The following SLC25A15 variants were observed in gnomAD, a reference collection of about 807,000 sequenced individuals.
SLC25A15 encodes the protein solute carrier family 25 member 15, also known as mitochondrial ornithine transporter 1.
A neutral mutation model predicts 32.3 loss-of-function variants in SLC25A15; 24 were observed. The observed-to-expected ratio is 0.74, with a 90% confidence interval of 0.54 to 1.04. The LOEUF is 1.04. SLC25A15 is among the 50% of genes least tolerant of loss of function. The pLI, the probability that SLC25A15 is intolerant of heterozygous loss-of-function variation, is 0.00. For missense variants in SLC25A15, 317 were observed against 374.5 expected, an observed-to-expected ratio of 0.85 and a Z score of 1.27; for synonymous variants, 132 against 142.1, an observed-to-expected ratio of 0.93 and a Z score of 0.51.
chr13:40,803,986 C>A (rs886446478), intron 3 of SLC25A15, among the ~76,000 whole-genome samples: 2 of 151,960 alleles, frequency 1.3e-5, no homozygotes, highest in Admixed American at 6.6e-5. Context: ...TTTTTTGTGG[C>A]GTTTTATTTT....
At chr13:40,791,631 A>G (rs777375125) in intron 1 of SLC25A15, among the ~76,000 whole-genome samples, 13 of 152,068 alleles carry the variant, frequency 8.5e-5, no homozygotes, top group African/African-American at 1.7e-4. Context: ...TGCTGGGATT[A>G]CAGGCGTGAG....
At chr13:40,794,210 C>G (rs951670247) in intron 2 of SLC25A15, among the ~76,000 whole-genome samples, 2 of 152,086 alleles carry the variant, frequency 1.3e-5, no homozygotes, top group African/African-American at 4.8e-5. Context: ...CGTGGTGGTG[C>G]ATGCCTGTAA....
intron 3 of SLC25A15, among the ~76,000 whole-genome samples, chr13:40,802,498 A>G (rs1197306780): frequency 6.6e-6 from 1 of 152,096 alleles, no homozygotes; most frequent in Non-Finnish European, 1.5e-5. Flanking sequence ...CAGGGCCAAG[A>G]CTGGTGCCAC....
chr13:40,793,030 C>CT, intron 1 of SLC25A15, 128 bp from the exon 2 acceptor site: 1 of 642,546 alleles, frequency 1.6e-6, no homozygotes, highest in South Asian at 1.7e-5. Context: ...CCTTGAGCCC[C>CT]TTTCCTTTGG....
rs746179010 is a variant in SLC25A15, at chr13:40,807,422, G to A, written c.581G>A (p.Ser194Asn). The change falls in exon 5 of 7, where the codon AGC (serine) becomes AAC (asparagine). Residue 194 changes from serine to asparagine, a missense_variant. By Grantham distance (46) the Ser-to-Asn change is conservative. Coordinates refer to ENST00000338625, the MANE Select transcript of SLC25A15 (RefSeq NM_014252.4). ...TTCTTCTTCGGTGGCTATGAACTGA[G>A]CCGGTCCTTTTTTGCATCAGGGAGA... Reference protein sequence around the residue: ...YFFFFGGYELSRSFFASGRSK... With the variant: ...YFFFFGGYELNRSFFASGRSK... The A allele has an allele frequency of 8.1e-6, 13 of 1,614,162 alleles. No individual in the cohort carries two copies. The highest frequency in any genetic ancestry group is 5.0e-5 in the Admixed American group (3 of 60,020).
chr13:40,792,917 A>G (rs1319456956), intron 1 of SLC25A15, among the ~76,000 whole-genome samples: 2 of 152,204 alleles, frequency 1.3e-5, no homozygotes, highest in African/African-American at 4.8e-5. Context: ...TTCAGTTTTC[A>G]GAAAGGTCAG....
In SLC25A15 at chr13:40,791,019, G is replaced by A. The variant is rs181234701; in HGVS notation, c.-70+1356G>A. ...AGTGTCTGTGCCAAAAGAAATAAGC[G>A]CATTGAGGTTTATCTAGGAGGCCAC... On this transcript the variant is annotated intron_variant, in intron 1 of 6. Coordinates refer to ENST00000338625, the MANE Select transcript of SLC25A15 (RefSeq NM_014252.4). Among the ~76,000 whole-genome samples, 232 of 152,026 alleles carry A rather than the reference G, an allele frequency of 1.5e-3. 2 individuals are homozygous for A. The highest frequency in any genetic ancestry group is 9.7e-4 in the Non-Finnish European group (66 of 67,986).
In SLC25A15 at chr13:40,807,275, T is replaced by C. The variant is rs531613734; in HGVS notation, c.453-19T>C. 1.1e-5 allele frequency: 18 copies of C among 1,613,660 alleles called. No homozygotes were observed. In the East Asian group the frequency reaches 3.6e-4, roughly 32 times the overall value. On this transcript the variant is annotated intron_variant, in intron 4 of 6. Coordinates refer to ENST00000338625, the MANE Select transcript of SLC25A15 (RefSeq NM_014252.4). ...TCCCACCTGCTGTAACCGTGCTATC[T>C]CTCTGTGTCTCCTCCCAGTACAGTG...
intron 1 of SLC25A15, among the ~76,000 whole-genome samples, chr13:40,789,952 A>G (rs942036227): frequency 6.6e-6 from 1 of 152,164 alleles, no homozygotes; most frequent in Non-Finnish European, 1.5e-5. Flanking sequence ...GCTGGGCAGC[A>G]TGGAGCCGCT....
intron 2 of SLC25A15, among the ~76,000 whole-genome samples, chr13:40,795,830 T>C (rs1881652550): frequency 6.6e-6 from 1 of 152,142 alleles, no homozygotes; most frequent in Non-Finnish European, 1.5e-5. Context: ...CATTGTTGGC[T>C]CCAATGCTCG....
rs1353856214 is a variant in SLC25A15, at chr13:40,807,400, T to C, written c.559T>C (p.Phe187Leu). Reference sequence around the variant, plus strand: ...TCGAGAAGTACCAGGCTATTTCTTCTTCTTCGGTGGCTATGAACTGAGCCG... The same window carrying C: ...TCGAGAAGTACCAGGCTATTTCTTCCTCTTCGGTGGCTATGAACTGAGCCG... The part of the protein sequence containing the change: ...LLREVPGYFF[F>L]FGGYELSRSF... Residue 187 changes from phenylalanine to leucine, a missense_variant, in exon 5 of 7, where the codon TTC becomes CTC. By Grantham distance (22) the Phe-to-Leu change is conservative. Coordinates refer to ENST00000338625, the MANE Select transcript of SLC25A15 (RefSeq NM_014252.4). 2 of 1,614,222 alleles carry C rather than the reference T, an allele frequency of 1.2e-6. No homozygotes were observed. The highest frequency in any genetic ancestry group is 2.2e-5 in the South Asian group (2 of 91,082).
At chr13:40,801,995 G>A (rs1305590673) in intron 3 of SLC25A15, 1 of 152,210 alleles carries the variant, frequency 6.6e-6, no homozygotes, top group Non-Finnish European at 1.5e-5. Context: ...ATAATAATGT[G>A]CTTGGTGTTC....
At chr13:40,801,808 G>T (rs1309801022) in intron 3 of SLC25A15, among the ~76,000 whole-genome samples, 2 of 152,148 alleles carry the variant, frequency 1.3e-5, no homozygotes, top group African/African-American at 4.8e-5. Context: ...TATGACAAAT[G>T]GATGATTCTT....
At chr13:40,803,526 ACAACCCTGCTGGTG>A (rs1881985195) in intron 3 of SLC25A15, among the ~76,000 whole-genome samples, 1 of 152,200 alleles carries the variant, frequency 6.6e-6, no homozygotes, top group African/African-American at 2.4e-5. Flanking sequence ...TTCCAGTTTC[ACAACCCTGCTGGTG>A]ACATTTGGCT....
At chr13:40,795,032 C>A (rs1158349202) in intron 2 of SLC25A15, among the ~76,000 whole-genome samples, 3 of 152,150 alleles carry the variant, frequency 2.0e-5, no homozygotes, top group African/African-American at 7.2e-5. Context: ...GCGTCCCAGC[C>A]CCAGATGCCC....
Position 40,808,452 on chromosome 13 carries a change from A to G in SLC25A15, c.637A>G (p.Met213Val). The G allele has an allele frequency of 6.2e-7, 1 of 1,612,778 alleles. No individual in the cohort carries two copies. The highest frequency in any genetic ancestry group is 8.5e-7 in the Non-Finnish European group (1 of 1,179,810). The part of the protein sequence containing the change: ...SKDELGPVPL[M>V]LSGGVGGICL... Reference sequence around the variant, plus strand: ...TTTTTCTCTAGGCCCTGTACCTTTGATGTTAAGTGGTGGAGTTGGTGGGAT... The same window carrying G: ...TTTTTCTCTAGGCCCTGTACCTTTGGTGTTAAGTGGTGGAGTTGGTGGGAT... Residue 213 changes from methionine (M) to valine (V), a missense_variant, in exon 6 of 7, where the codon ATG (methionine) becomes GTG (valine). By Grantham distance (21) the Met-to-Val change is conservative. Coordinates refer to ENST00000338625, the MANE Select transcript of SLC25A15 (RefSeq NM_014252.4).
At chr13:40,796,203 T>C (rs537291661) in intron 2 of SLC25A15, among the ~76,000 whole-genome samples, 1 of 152,158 alleles carries the variant, frequency 6.6e-6, no homozygotes, top group Non-Finnish European at 1.5e-5. Flanking sequence ...AAATGTGGTG[T>C]TGTGTGTGTC....
chr13:40,799,934 A>G (rs1324938470), intron 3 of SLC25A15, among the ~76,000 whole-genome samples: 3 of 152,214 alleles, frequency 2.0e-5, no homozygotes, highest in Non-Finnish European at 4.4e-5. Context: ...TCTCTGTCCA[A>G]ATCTTCCCAA....
At chr13:40,800,794 C>T (rs1254458317) in intron 3 of SLC25A15, among the ~76,000 whole-genome samples, 1 of 152,206 alleles carries the variant, frequency 6.6e-6, no homozygotes, top group East Asian at 1.9e-4. Context: ...TACCTTACAG[C>T]TGCATTTTCC....
Sources: allele counts gnomAD v4.1 joint callset (sites outside exome capture counted in the v4.1 genomes callset), GRCh38; gene constraint gnomAD v4.1.1; transcripts MANE v1.5; gene names NCBI Gene and HGNC (gene_info 2026-07-23, HGNC 2026-07-21).